MYH3: variants seen among roughly 807,000 people sequenced by gnomAD.
The protein encoded by MYH3 is myosin-3.
Under a neutral mutation model 238.0 loss-of-function variants are expected in MYH3, and 130 were observed. That is an observed-to-expected ratio of 0.55 (90% CI 0.47 to 0.63). The LOEUF (loss-of-function observed/expected upper bound fraction) is 0.63, where lower values mean the gene tolerates loss of function less well. MYH3 is among the 30% of genes least tolerant of loss of function. The probability of loss-of-function intolerance (pLI) is 0.00; values close to 1 mark genes in which losing one functional copy is unlikely to be tolerated. For missense variants in MYH3, 1,853 were observed against 2,374.9 expected, an observed-to-expected ratio of 0.78 and a Z score of 4.57; for synonymous variants, 880 against 924.1, an observed-to-expected ratio of 0.95 and a Z score of 0.86.
chr17:10,652,513 G>T lies in MYH3; in HGVS notation c.255C>A (p.Phe85Leu), dbSNP rs770068094. 1.2e-6 allele frequency: 2 copies of T among 1,612,994 alleles called. No homozygotes were observed. The highest frequency in any genetic ancestry group is 2.2e-5 in the South Asian group (2 of 91,056). ...GCATGGCCATGTCTTCGATCCTGTC[G>T]AACTTGGGGGGGTTCATGGCGTACA... is the stretch of plus-strand genomic sequence containing the variant. ...EDVYAMNPPKFDRIEDMAMLT... is the reference protein window; with the variant it reads ...EDVYAMNPPKLDRIEDMAMLT... Residue 85 changes from phenylalanine (F) to leucine (L), a missense_variant, in exon 4 of 41, where the codon TTC becomes TTA. By Grantham distance (22) the Phe-to-Leu change is conservative. Transcript: ENST00000583535.
chr17:10,668,121 G>A, the MYH3 span, among the ~76,000 whole-genome samples: 1 of 152,238 alleles, frequency 6.6e-6, no homozygotes, highest in Non-Finnish European at 1.5e-5. Flanking sequence ...GTGGCTGGGT[G>A]CGGCGGCTCA....
the MYH3 span, chr17:10,675,882 T>C: frequency 6.6e-6 from 1 of 152,116 alleles, no homozygotes; most frequent in African/African-American, 2.4e-5. Context: ...TTCCTTGAAC[T>C]GGGTGCAAAC....
chr17:10,631,493 C>T (rs910619666), intron 36 of MYH3, 118 bp downstream of exon 36: 41 of 1,484,390 alleles, frequency 2.8e-5, no homozygotes, highest in East Asian at 7.0e-5. Flanking sequence ...TGGGAGCCCT[C>T]GGGGAGCAGA....
chr17:10,672,999 T>G, the MYH3 span: 1 of 27,234 alleles, frequency 3.7e-5, no homozygotes, highest in Admixed American at 5.4e-4. Context: ...CTAATTTTTC[T>G]TTTTTTTCTT....
rs1415834778 is a variant in MYH3 at position 10,635,438 on chromosome 17, A to T, written c.4101T>A (p.Ser1367Arg). The T allele has an allele frequency of 6.8e-6, 11 of 1,613,946 alleles. No individual in the cohort carries two copies. Among genetic ancestry groups the T allele is most frequent in the Non-Finnish European group, 9.3e-6 (11 of 1,179,920 alleles). The change falls in exon 30 of 41, where the codon AGT becomes AGA. Residue 1367 changes from serine (S) to arginine (R), a missense_variant. Around this residue, in one of 3 missense-constraint regions of MYH3, gnomAD observed 1,044 missense variants for 1,192.6 expected, o/e 0.88. Transcript: ENST00000583535. ...ATTTGGTTCTCCACTGGGCAACCTC[A>T]CTATTGGCCTTGGACAGCGCCCTCT... is the stretch of plus-strand genomic sequence containing the variant. ...ELQRALSKAN[S>R]EVAQWRTKYE...
intron 5 of MYH3, among the ~76,000 whole-genome samples, chr17:10,650,841 C>T (rs575908310): frequency 3.9e-5 from 6 of 152,228 alleles, no homozygotes; most frequent in Admixed American, 1.3e-4. Flanking sequence ...TGGTCAATAT[C>T]GAAAGCCTCC....
chr17:10,669,129 G>C, the MYH3 span, among the ~76,000 whole-genome samples: 1 of 152,142 alleles, frequency 6.6e-6, no homozygotes, highest in Non-Finnish European at 1.5e-5. Flanking sequence ...CATGTCCCAG[G>C]ATGTCCTGCT....
chr17:10,645,679 C>G lies in MYH3; in HGVS notation c.1141+28G>C, dbSNP rs529339287. On this transcript the variant is annotated intron_variant, in intron 12 of 40. Transcript: ENST00000583535. The stretch of plus-strand genomic sequence containing the variant: ...GACCTCAGCAGATCAGCCACCCGCT[C>G]TGGTTTGCTGTCACACTGATTTTGT... 1.1e-5 allele frequency: 17 copies of G among 1,611,812 alleles called. No homozygotes were observed. The South Asian group carries it at 1.8e-4, about 17-fold the overall frequency.
the MYH3 span, chr17:10,673,910 AT>A: frequency 6.6e-6 from 1 of 152,224 alleles, no homozygotes; most frequent in East Asian, 1.9e-4. Flanking sequence ...TTATCAGAAA[AT>A]GGAATTTGTT....
Position 10,635,516 on chromosome 17 carries a change from A to G in MYH3, c.4023T>C (p.Cys1341=), listed in dbSNP as rs1379765910. ...CCTCATACTGTTCCCGCAGCAGGTC[A>G]CAGTCGTGGCGGGAGGACTGCAGGG... ...AHALQSSRHD[C]DLLREQYEEE... is the part of the protein sequence containing the mutation. Residue 1341 remains cysteine, a synonymous_variant, in exon 30 of 41, where the codon TGT becomes TGC. Coordinates refer to ENST00000583535, the MANE Select transcript of MYH3 (RefSeq NM_002470.4). 12 of 1,614,088 alleles carry G rather than the reference A, an allele frequency of 7.4e-6. No homozygotes were observed. Among genetic ancestry groups the G allele is most frequent in the Non-Finnish European group, 9.3e-6 (11 of 1,180,038 alleles).
At chr17:10,637,152 T>A (rs910439129) in intron 28 of MYH3, among the ~76,000 whole-genome samples, 1 of 151,140 alleles carries the variant, frequency 6.6e-6, no homozygotes, top group African/African-American at 2.4e-5. Context: ...CTCCGCCTCC[T>A]GGGTTCAAGC....
rs2074278517 is a variant in MYH3 at position 10,642,112 on chromosome 17, C to T, written c.1959+128G>A. 2 of 575,098 alleles carry T rather than the reference C, an allele frequency of 3.5e-6. No homozygotes were observed. Among genetic ancestry groups the T allele is most frequent in the Non-Finnish European group, 3.1e-6 (1 of 319,056 alleles). 35.6% of individuals were successfully genotyped at this position (575,098 alleles called of 1,614,324 possible). A position where few individuals can be genotyped will look rare whatever the true frequency, so the allele number is the denominator to read the frequency against. ...TTATATTTTATCATCTGTCACTTCACCTCAGTGACAGTAATCAGATTAAGA... is the reference window on the plus strand; with the variant it reads ...TTATATTTTATCATCTGTCACTTCATCTCAGTGACAGTAATCAGATTAAGA... On this transcript the variant is annotated intron_variant, in intron 17 of 40. Coordinates refer to ENST00000583535, the MANE Select transcript of MYH3 (RefSeq NM_002470.4). This position sits in a 1 kb window ranked among gnomAD's most constrained non-coding sequence, Gnocchi z 5.4.
chr17:10,647,161 C>A (rs2074329664), intron 10 of MYH3, 21 bp downstream of exon 10: 1 of 1,581,942 alleles, frequency 6.3e-7, no homozygotes, highest in Non-Finnish European at 8.7e-7. Context: ...AAAAGACCAG[C>A]CCCACTGGTG....
upstream of MYH3, chr17:10,658,517 GA>G (rs2074456760): frequency 6.6e-6 from 1 of 152,220 alleles, no homozygotes; most frequent in Non-Finnish European, 1.5e-5. Context: ...AGACGCAGAG[GA>G]AACAGAAGAC....
upstream of MYH3, among the ~76,000 whole-genome samples, chr17:10,661,289 TAAAAAAAA>T (rs34393718): frequency 2.6e-3 from 129 of 49,682 alleles, no homozygotes; most frequent in African/African-American, 1.0e-2. Flanking sequence ...AGACTCCATC[TAAAAAAAA>T]AAAAAAAAAA....
At chr17:10,664,685 G>C in the MYH3 span, among the ~76,000 whole-genome samples, 1 of 152,176 alleles carries the variant, frequency 6.6e-6, no homozygotes, top group Non-Finnish European at 1.5e-5. Flanking sequence ...TGGCAAAAAG[G>C]AGACGACCCC....
Position 10,639,199 on chromosome 17 carries a change from G to T in MYH3, c.3103-10C>A, listed in dbSNP as rs775905335. The T allele has an allele frequency of 1.2e-6, 2 of 1,614,138 alleles. No individual in the cohort carries two copies. The highest frequency in any genetic ancestry group is 3.3e-5 in the Admixed American group (2 of 60,022). ...CTAGGGAGCTTTCCAGCTGAAAAAGGCACCATTTCCTTTTGGGAACAAATG... is the reference window on the plus strand; with the variant it reads ...CTAGGGAGCTTTCCAGCTGAAAAAGTCACCATTTCCTTTTGGGAACAAATG... On this transcript the variant is annotated splice_polypyrimidine_tract_variant and intron_variant, in intron 24 of 40. Transcript: ENST00000583535.
At chr17:10,643,159 C>T (rs1045205942) in intron 14 of MYH3, among the ~76,000 whole-genome samples, 163 bp from the exon 15 acceptor site, 2 of 152,158 alleles carry the variant, frequency 1.3e-5, no homozygotes, top group African/African-American at 4.8e-5. Flanking sequence ...TCCTCCTTGG[C>T]GTCTTCTGTA....
rs745696071 is a variant in MYH3 at position 10,640,363 on chromosome 17, C to T, written c.2396G>A (p.Arg799His). The T allele has an allele frequency of 1.8e-5, 29 of 1,614,120 alleles. No homozygotes were observed. Among genetic ancestry groups the T allele is most frequent in the South Asian group, 6.6e-5 (6 of 91,088 alleles). The change falls in exon 21 of 41, where the codon CGT (arginine) becomes CAT (histidine). Residue 799 changes from arginine (R) to histidine (H), a missense_variant. Transcript: ENST00000583535. Reference protein sequence around the residue: ...TQAVCRGFLMRVEFQKMVQRR... With the variant: ...TQAVCRGFLMHVEFQKMVQRR... ...CTGCACCATCTTCTGGAATTCCACA[C>T]GCATGAGGAACCCTCTGCACACAGC...
Sources: gnomAD v4.1 joint callset for allele counts (sites outside exome capture counted in the v4.1 genomes callset) on GRCh38, gnomAD v4.1.1 for gene constraint, gnomAD v4.1.1 regional missense constraint, Gnocchi (gnomAD v3.1) non-coding constraint, MANE v1.5 for transcripts, NCBI Gene and HGNC (gene_info 2026-07-23, HGNC 2026-07-21) for gene names.